AGO2: variants seen among roughly 807,000 people sequenced by gnomAD.
AGO2 encodes protein argonaute-2.
Under a neutral mutation model 102.3 loss-of-function variants are expected in AGO2, and 5 were observed. That is an observed-to-expected ratio of 0.05 (90% CI 0.03 to 0.10). The LOEUF is 0.10. AGO2 is among the 10% of genes least tolerant of loss of function. The pLI is 1.00. For synonymous variants in AGO2, 449 were observed against 473.1 expected, an observed-to-expected ratio of 0.95 and a Z score of 0.66; for missense variants, 541 against 1,183.7, an observed-to-expected ratio of 0.46 and a Z score of 7.97.
At chr8:140,549,022 G>C in intron 12 of AGO2, 92 bp downstream of exon 12, 1 of 1,453,252 alleles carries the variant, frequency 6.9e-7, no homozygotes, top group Non-Finnish European at 9.1e-7. Context: ...ACCTTTCTCA[G>C]TGCAGCAGAA....
Position 140,572,878 on chromosome 8 carries a change from C to T in AGO2, c.270G>A (p.Arg90=). The part of the protein sequence containing the change: ...QHFKTQIFGD[R]KPVFDGRKNL... Reference sequence around the variant, plus strand: ...TCTTCCTGCCGTCAAACACGGGCTTCCGATCCCCAAAGATCTGTGTTTTAA... The same window carrying T: ...TCTTCCTGCCGTCAAACACGGGCTTTCGATCCCCAAAGATCTGTGTTTTAA... Residue 90 remains arginine (R), a synonymous_variant, in exon 3 of 19, where the codon CGG becomes CGA. Coordinates refer to ENST00000220592, the MANE Select transcript of AGO2 (RefSeq NM_012154.5). 6.2e-7 allele frequency: 1 copy of T among 1,614,190 alleles called. No individual in the cohort carries two copies. The highest frequency in any genetic ancestry group is 8.5e-7 in the Non-Finnish European group (1 of 1,180,036).
At chr8:140,533,756 G>A (rs1197694066) in intron 17 of AGO2, among the ~76,000 whole-genome samples, 2 of 151,746 alleles carry the variant, frequency 1.3e-5, no homozygotes, top group African/African-American at 4.8e-5. Flanking sequence ...GCAGTGAGCT[G>A]AGTACACGCC....
intron 1 of AGO2, among the ~76,000 whole-genome samples, chr8:140,631,557 A>G (rs1347644991): frequency 2.6e-5 from 4 of 152,146 alleles, no homozygotes; most frequent in African/African-American, 9.7e-5. Flanking sequence ...AAAAGAAAAA[A>G]AAGAAGACGT....
At chr8:140,632,782 C>T (rs763630002) in intron 1 of AGO2, among the ~76,000 whole-genome samples, 3 of 152,164 alleles carry the variant, frequency 2.0e-5, no homozygotes, top group African/African-American at 7.2e-5. Context: ...CATTCACATA[C>T]GTCACAGCAT....
At position 140,523,387 on chromosome 8, in the gene AGO2, AATT is replaced by A. The variant is rs1376650748; in HGVS notation, c.*8654_*8656del. On this transcript the variant is annotated 3_prime_UTR_variant, in exon 19 of 19. Transcript: ENST00000220592. ...CTGAATTCATTTTTGGTTCTTTTTC[AATT>A]ATTTTATAAAAATAAAATAAAACTA... 6.6e-6 allele frequency: 1 copy of A among 152,166 alleles called. No homozygotes were observed. Among genetic ancestry groups the A allele is most frequent in the Admixed American group, 6.5e-5 (1 of 15,278 alleles). 9.4% of individuals were successfully genotyped at this position (152,166 alleles called of 1,614,324 possible). A position where few individuals can be genotyped will look rare whatever the true frequency, so the allele number is the denominator to read the frequency against.
chr8:140,535,013 G>C (rs1360942514), intron 17 of AGO2, among the ~76,000 whole-genome samples: 1 of 152,224 alleles, frequency 6.6e-6, no homozygotes, highest in East Asian at 1.9e-4. Flanking sequence ...CTGGAGCCTG[G>C]CCCTGGCCAG....
chr8:140,600,195 A>G (rs778757742), intron 1 of AGO2, among the ~76,000 whole-genome samples: 1 of 152,270 alleles, frequency 6.6e-6, no homozygotes, highest in African/African-American at 2.4e-5. Flanking sequence ...GTTATTTTTT[A>G]CAAAGATGTC....
chr8:140,624,189 G>A (rs1375461736), intron 1 of AGO2, among the ~76,000 whole-genome samples: 1 of 152,168 alleles, frequency 6.6e-6, no homozygotes, highest in Non-Finnish European at 1.5e-5. Flanking sequence ...CCACCCAGCA[G>A]GTCTCGACTG....
At chr8:140,635,649 C>T, upstream of AGO2, 2 of 471,108 alleles carry the variant, frequency 4.2e-6, no homozygotes, top group Non-Finnish European at 5.5e-6. Context: ...CCCGACGCGG[C>T]CGGGGCGGCG....
At chr8:140,637,550 C>G (rs2074418809), upstream of AGO2, 1 of 152,314 alleles carries the variant, frequency 6.6e-6, no homozygotes, top group Non-Finnish European at 1.5e-5. Flanking sequence ...CACCGTGGCC[C>G]TCTGCTGGCG....
chr8:140,535,154 C>T (rs2072673747), intron 17 of AGO2, among the ~76,000 whole-genome samples: 1 of 152,248 alleles, frequency 6.6e-6, no homozygotes, highest in Non-Finnish European at 1.5e-5. Context: ...GCCCCAGCGC[C>T]TCAATCCTGC....
chr8:140,562,512 G>T lies in AGO2; in HGVS notation c.459C>A (p.Ser153Arg). Reference sequence around the variant, plus strand: ...GGGCCTGGATCGTCTCAAAAGGGACGCTGGGCAGCCGCCCTGAAAGTGCAT... The same window carrying T: ...GGGCCTGGATCGTCTCAAAAGGGACTCTGGGCAGCCGCCCTGAAAGTGCAT... ...LHDALSGRLP[S>R]VPFETIQALD... The change falls in exon 4 of 19, where the codon AGC (serine) becomes AGA (arginine). Residue 153 changes from serine to arginine, a missense_variant. Physicochemically the swap from Ser to Arg is moderately radical, Grantham distance 110. Transcript: ENST00000220592. The T allele has an allele frequency of 6.2e-7, 1 of 1,613,968 alleles. No individual in the cohort carries two copies. Among genetic ancestry groups the T allele is most frequent in the Non-Finnish European group, 8.5e-7 (1 of 1,180,020 alleles).
At chr8:140,612,786 G>A (rs914925337) in intron 1 of AGO2, among the ~76,000 whole-genome samples, 9 of 151,756 alleles carry the variant, frequency 5.9e-5, no homozygotes, top group Non-Finnish European at 8.8e-5. Context: ...ACTGTTTTTC[G>A]AGTTTTGGTG....
rs1188760984 is a variant in AGO2 at position 140,567,042 on chromosome 8, G to A, written c.337-4408C>T. ...CATCCAGCCTACAGTGCTGTGCCCT[G>A]GCACGGATCGGATGCCTGTCAATGC... On this transcript the variant is annotated intron_variant, in intron 3 of 18. Coordinates refer to ENST00000220592, the MANE Select transcript of AGO2 (RefSeq NM_012154.5). This position sits in a 1 kb window ranked among gnomAD's most constrained non-coding sequence, Gnocchi z 5.0. 2.6e-5 allele frequency among the ~76,000 whole-genome samples: 4 copies of A among 152,262 alleles called. No individual in the cohort carries two copies. Among genetic ancestry groups the A allele is most frequent in the Admixed American group, 2.6e-4 (4 of 15,288 alleles).
chr8:140,550,314 C>A (rs535620451), intron 11 of AGO2, among the ~76,000 whole-genome samples: 1 of 152,348 alleles, frequency 6.6e-6, no homozygotes, highest in Admixed American at 6.5e-5. Context: ...CTGCTGCCCC[C>A]ACAGAGCGGG....
chr8:140,574,239 T>G (rs1326096940), intron 2 of AGO2, among the ~76,000 whole-genome samples: 3 of 151,368 alleles, frequency 2.0e-5, no homozygotes, highest in Non-Finnish European at 2.9e-5. Flanking sequence ...CAGCTTGGCA[T>G]AGTACTCTCC....
At chr8:140,578,618 G>C (rs1225230647) in intron 2 of AGO2, among the ~76,000 whole-genome samples, 1 of 152,250 alleles carries the variant, frequency 6.6e-6, no homozygotes, top group Non-Finnish European at 1.5e-5. Context: ...TCCCAAAAAA[G>C]ATGACAGCCC....
rs746189153 is a variant in AGO2 at position 140,540,809 on chromosome 8, C to A, written c.2034+355G>T. On this transcript the variant is annotated intron_variant, in intron 15 of 18. Transcript: ENST00000220592. This position sits in a 1 kb window ranked among gnomAD's most constrained non-coding sequence, Gnocchi z 5.0. ...ATGAGCTCCCCGCCTCGCAGGGACA[C>A]CCGACAGCTCTCCACAGCCTGCAAG... Among the ~76,000 whole-genome samples the A allele has an allele frequency of 2.6e-5, 4 of 152,216 alleles. No homozygotes were observed. Among genetic ancestry groups the A allele is most frequent in the Non-Finnish European group, 5.9e-5 (4 of 68,044 alleles).
At chr8:140,626,152 C>T (rs1409297897) in intron 1 of AGO2, among the ~76,000 whole-genome samples, 1 of 152,128 alleles carries the variant, frequency 6.6e-6, no homozygotes, top group Non-Finnish European at 1.5e-5. Flanking sequence ...CGGCGTCGCT[C>T]CTGTCTACGA....
Sources: allele counts gnomAD v4.1 joint callset (sites outside exome capture counted in the v4.1 genomes callset), GRCh38; gene constraint gnomAD v4.1.1; non-coding constraint Gnocchi (gnomAD v3.1); transcripts MANE v1.5; gene names NCBI Gene and HGNC (gene_info 2026-07-23, HGNC 2026-07-21).